DPP3: variants seen among roughly 807,000 people sequenced by gnomAD.
DPP3 encodes the protein dipeptidyl peptidase 3.
Under a neutral mutation model 89.8 loss-of-function variants are expected in DPP3, and 64 were observed. That is an observed-to-expected ratio of 0.71 (90% confidence interval 0.58 to 0.88). DPP3 has a LOEUF of 0.88. Ranked by LOEUF, DPP3 falls within the 40% of genes least tolerant of loss-of-function variation. DPP3 has a pLI of 0.00. For synonymous variants in DPP3, 377 were observed against 404.3 expected (o/e 0.93, Z 0.81); for missense variants, 835 against 972.5 (o/e 0.86, Z 1.88).
intron 16 of DPP3, 105 bp downstream of exon 16, chr11:66,497,582 G>A: frequency 7.0e-7 from 1 of 1,420,542 alleles, no homozygotes; most frequent in African/African-American, 1.4e-5. Context: ...TTATGCTGCA[G>A]TGAGGAAAGG....
At chr11:66,486,995 TCCCACCTCTGGAG>T (rs1428463883) in intron 4 of DPP3, among the ~76,000 whole-genome samples, 3 of 152,086 alleles carry the variant, frequency 2.0e-5, no homozygotes, top group Non-Finnish European at 4.4e-5. Flanking sequence ...GTCCCAGGTT[TCCCACCTCTGGAG>T]GCCACATCCG....
chr11:66,495,762 G>T lies in DPP3; in HGVS notation c.1698+12G>T, dbSNP rs1435947736. On this transcript the variant is annotated intron_variant, in intron 15 of 17. Coordinates refer to ENST00000531863, the MANE Select transcript of DPP3 (RefSeq NM_130443.4). ...TCAACTGGCGACAGGTAGGGCCTAGGTGGAGCCCCCTGGAGGCGGAAGGGA... is the reference window on the plus strand; with the variant it reads ...TCAACTGGCGACAGGTAGGGCCTAGTTGGAGCCCCCTGGAGGCGGAAGGGA... The T allele has an allele frequency of 1.9e-6, 3 of 1,597,142 alleles. No individual in the cohort carries two copies. In the East Asian group the frequency reaches 6.8e-5, roughly 36 times the overall value.
intron 11 of DPP3, 72 bp from the exon 12 acceptor site, chr11:66,493,469 G>A (rs760463241): frequency 2.7e-5 from 41 of 1,508,732 alleles, no homozygotes; most frequent in Non-Finnish European, 3.5e-5. Flanking sequence ...ATGGCCCAGG[G>A]GAGGGGAGGC....
Position 66,495,252 on chromosome 11 carries a change from C to G in DPP3, c.1436C>G (p.Pro479Arg). ...FNFDQETVIN[P>R]ETGEQIQSWY... Reference sequence around the variant, plus strand: ...TTTGACCAGGAAACAGTGATCAACCCAGAGACGGGCGAGCAGGTGAGGGAG... The same window carrying G: ...TTTGACCAGGAAACAGTGATCAACCGAGAGACGGGCGAGCAGGTGAGGGAG... The change falls in exon 13 of 18, where the codon CCA (proline) becomes CGA (arginine). Residue 479 changes from proline (P) to arginine (R), a missense_variant. Pro to Arg is a moderately radical substitution (Grantham distance 103). Coordinates refer to ENST00000531863, the MANE Select transcript of DPP3 (RefSeq NM_130443.4). The G allele has an allele frequency of 6.2e-7, 1 of 1,613,066 alleles. No homozygotes were observed. The highest frequency in any genetic ancestry group is 8.5e-7 in the Non-Finnish European group (1 of 1,180,028).
chr11:66,499,911 G>A (rs767746856), intron 16 of DPP3, among the ~76,000 whole-genome samples: 1 of 151,778 alleles, frequency 6.6e-6, no homozygotes. Flanking sequence ...TTTCTCATAG[G>A]TGTGTATGTA....
In DPP3 at chr11:66,509,273, C is replaced by G. The variant is rs199674775; in HGVS notation, c.*22C>G. The G allele has an allele frequency of 1.1e-4, 168 of 1,589,154 alleles. No individual in the cohort carries two copies. The highest frequency in any genetic ancestry group is 1.4e-4 in the Non-Finnish European group (162 of 1,167,002). ...TTGAGGAAGATGTGTGGCCTTGCCC[C>G]CAATTCCATCAGACCAAGGCTGCAA... On this transcript the variant is annotated 3_prime_UTR_variant, in exon 18 of 18. Coordinates refer to ENST00000531863, the MANE Select transcript of DPP3 (RefSeq NM_130443.4).
In DPP3 at chr11:66,487,929, A is replaced by C. The variant is rs1189291187; in HGVS notation, c.589A>C (p.Asn197His). 6.2e-7 allele frequency: 1 copy of C among 1,614,010 alleles called. No homozygotes were observed. The highest frequency in any genetic ancestry group is 1.1e-5 in the South Asian group (1 of 91,078). ...FLDSQNLSAY[N>H]TRLFKEVDGE... Reference sequence around the variant, plus strand: ...TCTCTTCTAGAACCTCAGTGCCTACAACACCCGGCTCTTCAAAGAGGTCGA... The same window carrying C: ...TCTCTTCTAGAACCTCAGTGCCTACCACACCCGGCTCTTCAAAGAGGTCGA... The change falls in exon 6 of 18, where the codon AAC (asparagine) becomes CAC (histidine). Residue 197 changes from asparagine (N) to histidine (H), a missense_variant. Asn to His is a moderately conservative substitution (Grantham distance 68). Coordinates refer to ENST00000531863, the MANE Select transcript of DPP3 (RefSeq NM_130443.4).
At chr11:66,497,198 C>A (rs1855560881) in intron 15 of DPP3, 100 bp from the exon 16 acceptor site, 4 of 1,461,760 alleles carry the variant, frequency 2.7e-6, no homozygotes, top group Non-Finnish European at 3.7e-6. Context: ...GCAACTGGGA[C>A]CAAGGACCAA....
intron 2 of DPP3, among the ~76,000 whole-genome samples, chr11:66,484,238 A>C (rs993140820): frequency 6.6e-6 from 1 of 152,112 alleles, no homozygotes; most frequent in Admixed American, 6.5e-5. Context: ...GGCCTCCCAG[A>C]GTGCTTGGGA....
intron 16 of DPP3, among the ~76,000 whole-genome samples, chr11:66,503,743 C>T (rs1322104084): frequency 2.0e-5 from 3 of 152,112 alleles, no homozygotes; most frequent in East Asian, 1.9e-4. Context: ...AAAATTTAGC[C>T]GGGCGTGGTG....
chr11:66,487,466 G>C, intron 5 of DPP3, 124 bp downstream of exon 5: 1 of 988,108 alleles, frequency 1.0e-6, no homozygotes, highest in Non-Finnish European at 1.5e-6. Flanking sequence ...GGGAAGGCGC[G>C]ACCCCTGCCC....
chr11:66,495,074 C>A lies in DPP3; in HGVS notation c.1390-132C>A, dbSNP rs1313607922. On this transcript the variant is annotated intron_variant, in intron 12 of 17. Transcript: ENST00000531863. ...GTGCAGGCGTCAGTGTGTGGACAGA[C>A]CTGCTGCTCCCGCCGCCCGCTCCTG... 3.1e-6 allele frequency: 4 copies of A among 1,277,802 alleles called. No homozygotes were observed. The East Asian group carries it at 6.9e-5, about 22-fold the overall frequency. The allele number at this position is 1,277,802 out of a possible 1,614,324, so 79.2% of individuals were successfully genotyped here. A position where few individuals can be genotyped will look rare whatever the true frequency, so the allele number is the denominator to read the frequency against.
chr11:66,497,736 C>T (rs1356975960), intron 16 of DPP3, among the ~76,000 whole-genome samples: 2 of 151,868 alleles, frequency 1.3e-5, no homozygotes, highest in Non-Finnish European at 2.9e-5. Context: ...ACAAAAAATA[C>T]AAAAATTAGC....
rs780846190 is a variant in DPP3 at position 66,504,686 on chromosome 11, C to T, written c.1953C>T (p.Pro651=). 3 of 1,613,388 alleles carry T rather than the reference C, an allele frequency of 1.9e-6. No individual in the cohort carries two copies. The highest frequency in any genetic ancestry group is 1.1e-5 in the South Asian group (1 of 91,028). ...GGTATGCAACAGTCACTGATGCGCC[C>T]CCCGAGTGCTTCCTCACCCTCAGGG... The part of the protein sequence containing the change: ...YEGYATVTDA[P]PECFLTLRDT... Residue 651 remains proline, a synonymous_variant, in exon 17 of 18, where the codon CCC becomes CCT. Transcript: ENST00000531863.
chr11:66,491,455 G>T (rs754482083), intron 7 of DPP3, 39 bp from the exon 8 acceptor site: 11 of 1,597,506 alleles, frequency 6.9e-6, no homozygotes, highest in Non-Finnish European at 8.6e-6. Context: ...GTGGAGGTGG[G>T]TGGGTGGCCC....
At position 66,487,167 on chromosome 11, in the gene DPP3, C is replaced by T. The variant is rs929943970; in HGVS notation, c.499-101C>T. The T allele has an allele frequency of 2.7e-6, 3 of 1,128,670 alleles. No homozygotes were observed. In the African/African-American group the frequency reaches 4.6e-5, roughly 17 times the overall value. 69.9% of individuals were successfully genotyped at this position (1,128,670 alleles called of 1,614,324 possible). On this transcript the variant is annotated intron_variant, in intron 4 of 17. Transcript: ENST00000531863. ...TAGATGGAGGGGTAAGGGGTAGAGG[C>T]TGCTGAAAGGAGGGAGGGGCGGGAA...
intron 16 of DPP3, among the ~76,000 whole-genome samples, chr11:66,504,228 G>A (rs1463833549): frequency 6.6e-6 from 1 of 151,952 alleles, no homozygotes; most frequent in African/African-American, 2.4e-5. Context: ...CAAGTGCCCA[G>A]GATTGCACGC....
intron 16 of DPP3, among the ~76,000 whole-genome samples, chr11:66,503,698 T>G (rs1855732828): frequency 6.6e-6 from 1 of 152,132 alleles, no homozygotes; most frequent in Non-Finnish European, 1.5e-5. Flanking sequence ...CCATCTTGGC[T>G]AACATGGTGA....
chr11:66,495,157 C>T (rs1237930643), intron 12 of DPP3, 49 bp from the exon 13 acceptor site: 28 of 1,611,938 alleles, frequency 1.7e-5, no homozygotes, highest in Non-Finnish European at 2.2e-5. Flanking sequence ...GGCTGGAGGC[C>T]TGGATCCAGT....
Sources: gnomAD v4.1 joint callset for allele counts (sites outside exome capture counted in the v4.1 genomes callset) on GRCh38, gnomAD v4.1.1 for gene constraint, MANE v1.5 for transcripts, NCBI Gene and HGNC (gene_info 2026-07-23, HGNC 2026-07-21) for gene names.